The following CCDC60 variants were observed in gnomAD, a reference collection of about 807,000 sequenced individuals.
The protein encoded by CCDC60 is coiled-coil domain-containing protein 60.
CCDC60 carries 54 observed loss-of-function variants against 63.5 expected under a neutral mutation model. That is an observed-to-expected ratio of 0.85 (90% CI 0.68 to 1.07). CCDC60 has a LOEUF of 1.07. CCDC60 is among the 50% of genes least tolerant of loss of function. The probability of loss-of-function intolerance (pLI) is 0.00; values close to 1 mark genes in which losing one functional copy is unlikely to be tolerated. For synonymous variants in CCDC60, 206 were observed against 238.8 expected (o/e 0.86, Z 1.27); for missense variants, 651 against 684.3 (o/e 0.95, Z 0.54).
At chr12:119,424,916 T>C (rs1464250724) in intron 1 of CCDC60, among the ~76,000 whole-genome samples, 1 of 152,148 alleles carries the variant, frequency 6.6e-6, no homozygotes, top group African/African-American at 2.4e-5. Context: ...CGGTGTCAAG[T>C]TGAGGACGCA....
At chr12:119,469,114 C>G (rs1277674760) in intron 2 of CCDC60, among the ~76,000 whole-genome samples, 1 of 152,168 alleles carries the variant, frequency 6.6e-6, no homozygotes, top group Non-Finnish European at 1.5e-5. Flanking sequence ...CCCAACTCTT[C>G]AGAATCACTC....
At chr12:119,366,128 A>T (rs1201836894) in intron 1 of CCDC60, among the ~76,000 whole-genome samples, 1 of 152,114 alleles carries the variant, frequency 6.6e-6, no homozygotes, top group African/African-American at 2.4e-5. Context: ...ACCCTCAAAC[A>T]ACCACAGGGT....
intron 11 of CCDC60, among the ~76,000 whole-genome samples, chr12:119,527,119 T>C (rs1265988223): frequency 6.6e-6 from 1 of 152,120 alleles, no homozygotes; most frequent in Non-Finnish European, 1.5e-5. Flanking sequence ...TTGGGGAACA[T>C]AGATGGAGCT....
chr12:119,532,306 T>C (rs1952867056), intron 13 of CCDC60, among the ~76,000 whole-genome samples: 1 of 151,848 alleles, frequency 6.6e-6, no homozygotes, highest in Non-Finnish European at 1.5e-5. Flanking sequence ...GAAGAGGGAG[T>C]ACTAGGGGCT....
At chr12:119,337,361 G>A (rs563882779) in intron 1 of CCDC60, among the ~76,000 whole-genome samples, 1 of 152,314 alleles carries the variant, frequency 6.6e-6, no homozygotes, top group South Asian at 2.1e-4. Context: ...GCAGCAGACA[G>A]AATCACCCTG....
Position 119,507,611 on chromosome 12 carries a change from TATA to T in CCDC60, c.883+2309_883+2311del, listed in dbSNP as rs1468013372. On this transcript the variant is annotated intron_variant, in intron 7 of 13. Transcript: ENST00000327554. ...ATATACATATATATATATATATATA[TATA>T]TTTTTTTTTTTTTTTTCTAGAAACA... 3.3e-3 allele frequency among the ~76,000 whole-genome samples: 118 copies of T among 35,832 alleles called. 9 individuals are homozygous for T. Among genetic ancestry groups the T allele is most frequent in the East Asian group, 0.028 (26 of 916 alleles). The allele number at this position is 35,832 out of a possible 152,430, so 23.5% of individuals were successfully genotyped here. A position where few individuals can be genotyped will look rare whatever the true frequency, so the allele number is the denominator to read the frequency against.
chr12:119,337,836 G>GTGTA (rs200110217), intron 1 of CCDC60, among the ~76,000 whole-genome samples: 281 of 149,418 alleles, frequency 1.9e-3, no homozygotes, highest in African/African-American at 6.2e-3. Flanking sequence ...GTGTGTGTGT[G>GTGTA]TGTGTGTGTG....
Position 119,456,217 on chromosome 12 carries a change from G to A in CCDC60, c.171-15777G>A, listed in dbSNP as rs1317519611. ...TGAGAACAGTAGGAAGCCATTAGAG[G>A]ATTTTGAGCATTAAGATAGGAATGA... is the stretch of plus-strand genomic sequence containing the variant. On this transcript the variant is annotated intron_variant, in intron 2 of 13. Transcript: ENST00000327554. The surrounding 1 kb of genome is among the most constrained non-coding windows in gnomAD (Gnocchi z 4.6). 6.6e-6 allele frequency among the ~76,000 whole-genome samples: 1 copy of A among 152,106 alleles called. No individual in the cohort carries two copies. Among genetic ancestry groups the A allele is most frequent in the Non-Finnish European group, 1.5e-5 (1 of 68,024 alleles).
intron 1 of CCDC60, among the ~76,000 whole-genome samples, chr12:119,417,884 A>G (rs920338356): frequency 6.6e-6 from 1 of 152,100 alleles, no homozygotes. Context: ...CTTTATTCCC[A>G]AAGCACGGCT....
At chr12:119,337,508 G>A (rs929485570) in intron 1 of CCDC60, among the ~76,000 whole-genome samples, 3 of 152,146 alleles carry the variant, frequency 2.0e-5, no homozygotes, top group African/African-American at 7.2e-5. Flanking sequence ...ATGAGTTAAC[G>A]TACGCCAAAA....
intron 1 of CCDC60, among the ~76,000 whole-genome samples, chr12:119,389,252 G>A (rs1304167355): frequency 2.6e-5 from 4 of 152,166 alleles, no homozygotes; most frequent in Non-Finnish European, 5.9e-5. Flanking sequence ...TATATCAAGA[G>A]TCAACAAACT....
At chr12:119,423,100 G>A (rs2136222706) in intron 1 of CCDC60, among the ~76,000 whole-genome samples, 1 of 152,292 alleles carries the variant, frequency 6.6e-6, no homozygotes, top group South Asian at 2.1e-4. Flanking sequence ...TTGATGGGAA[G>A]GGAGTTGATC....
intron 1 of CCDC60, among the ~76,000 whole-genome samples, chr12:119,396,330 A>T (rs1385329733): frequency 2.6e-5 from 4 of 152,220 alleles, no homozygotes; most frequent in Non-Finnish European, 5.9e-5. Flanking sequence ...CTGCAAAGGT[A>T]ACATATAAGG....
intron 9 of CCDC60, among the ~76,000 whole-genome samples, chr12:119,522,004 T>C (rs1016190865): frequency 1.3e-5 from 2 of 152,174 alleles, no homozygotes; most frequent in African/African-American, 2.4e-5. Flanking sequence ...CAGGACCTTT[T>C]CTATGGGGAG....
chr12:119,357,458 C>CTT (rs138138187), intron 1 of CCDC60, among the ~76,000 whole-genome samples: 15 of 146,474 alleles, frequency 1.0e-4, no homozygotes, highest in East Asian at 2.0e-4. Flanking sequence ...ATGAGATCAG[C>CTT]TTTTTTTTTT....
At chr12:119,405,573 TATC>T (rs1956472761) in intron 1 of CCDC60, among the ~76,000 whole-genome samples, 1 of 152,156 alleles carries the variant, frequency 6.6e-6, no homozygotes, top group Non-Finnish European at 1.5e-5. Flanking sequence ...CAAAAACAAA[TATC>T]ATCAAAAATC....
At chr12:119,370,259 C>A (rs1565974102) in intron 1 of CCDC60, among the ~76,000 whole-genome samples, 1 of 152,188 alleles carries the variant, frequency 6.6e-6, no homozygotes, top group East Asian at 1.9e-4. Context: ...TATAATCATG[C>A]ACTATTGTTA....
chr12:119,382,096 A>G (rs1297821245), intron 1 of CCDC60, among the ~76,000 whole-genome samples: 2 of 152,212 alleles, frequency 1.3e-5, no homozygotes, highest in African/African-American at 4.8e-5. Flanking sequence ...ATCCAGGCAA[A>G]TGCATACCTC....
chr12:119,473,999 T>G (rs1951123088), intron 3 of CCDC60, among the ~76,000 whole-genome samples: 1 of 152,236 alleles, frequency 6.6e-6, no homozygotes, highest in Non-Finnish European at 1.5e-5. Flanking sequence ...GTGGGATTGC[T>G]GGATCAAATG....
Sources: allele counts gnomAD v4.1 joint callset (sites outside exome capture counted in the v4.1 genomes callset), GRCh38; gene constraint gnomAD v4.1.1; non-coding constraint Gnocchi (gnomAD v3.1); transcripts MANE v1.5; gene names NCBI Gene and HGNC (gene_info 2026-07-23, HGNC 2026-07-21).